Variants in BABAM2 observed in about 807,000 individuals in gnomAD.
BABAM2 encodes the protein BRISC and BRCA1 A complex member 2, also known as BRISC and BRCA1-A complex member 2.
Under a neutral mutation model 54.7 loss-of-function variants are expected in BABAM2, and 31 were observed. The ratio of observed to expected loss-of-function variants is 0.57; its 90% confidence interval spans 0.43 to 0.77. The LOEUF (loss-of-function observed/expected upper bound fraction) is 0.77. Among genes scored for constraint, BABAM2 ranks in the 30% least tolerant of loss-of-function variants. The pLI is 0.00. For synonymous variants in BABAM2, 167 were observed against 162.9 expected (o/e 1.03, Z -0.19); for missense variants, 364 against 455.8 (o/e 0.80, Z 1.83).
At chr2:27,896,795 G>T in intron 2 of BABAM2, 1 of 237,276 alleles carries the variant, frequency 4.2e-6, no homozygotes, top group South Asian at 4.7e-5. Flanking sequence ...GCTGGGTCTG[G>T]AGCAGCTTGT....
intron 6 of BABAM2, 141 bp downstream of exon 6, chr2:28,045,940 T>C (rs1677526182): frequency 7.6e-6 from 5 of 654,228 alleles, no homozygotes; most frequent in Non-Finnish European, 9.6e-6. Flanking sequence ...TGAAGTTCCA[T>C]TGAGCTGTTT....
At chr2:27,925,216 C>G (rs1274243882) in intron 2 of BABAM2, among the ~76,000 whole-genome samples, 1 of 152,152 alleles carries the variant, frequency 6.6e-6, no homozygotes, top group Non-Finnish European at 1.5e-5. Context: ...TTTCTTCTAT[C>G]TTTTCTGTGA....
chr2:28,131,070 A>ATTTTTTTT (rs757511616), intron 7 of BABAM2, among the ~76,000 whole-genome samples: 1 of 6,952 alleles, frequency 1.4e-4, no homozygotes, highest in African/African-American at 2.7e-4. Context: ...TATTATTATT[A>ATTTTTTTT]TTATTATTAT....
chr2:28,082,469 AC>A (rs1553313344), intron 6 of BABAM2, among the ~76,000 whole-genome samples: 1 of 152,212 alleles, frequency 6.6e-6, no homozygotes, highest in Non-Finnish European at 1.5e-5. Flanking sequence ...ACTGACTCTG[AC>A]CTTAGGCAAG....
chr2:27,907,710 A>G (rs530738033), intron 2 of BABAM2, among the ~76,000 whole-genome samples: 1 of 152,234 alleles, frequency 6.6e-6, no homozygotes, highest in East Asian at 1.9e-4. Flanking sequence ...ACTGGCAGCC[A>G]CCATTCTGGT....
chr2:28,301,099 C>T (rs1419589941), intron 11 of BABAM2, among the ~76,000 whole-genome samples: 1 of 152,194 alleles, frequency 6.6e-6, no homozygotes, highest in Admixed American at 6.5e-5. Flanking sequence ...ATTCCTTCCA[C>T]ACCCTGTTTC....
Position 28,329,143 on chromosome 2 carries a change from C to T in BABAM2, c.1089-9307C>T, listed in dbSNP as rs941143966. Among the ~76,000 whole-genome samples the T allele has an allele frequency of 2.0e-5, 3 of 152,178 alleles. No individual in the cohort carries two copies. Among genetic ancestry groups the T allele is most frequent in the Non-Finnish European group, 4.4e-5 (3 of 68,026 alleles). On this transcript the variant is annotated intron_variant, in intron 11 of 11. Transcript: ENST00000379624. This position sits in a 1 kb window ranked among gnomAD's most constrained non-coding sequence, Gnocchi z 4.2. ...CTCCTGATTTCCCCTTCTCTAGAAC[C>T]CAACCATTATGTCATTTTCCAGGCA...
chr2:28,083,136 T>G (rs1448264593), intron 6 of BABAM2, among the ~76,000 whole-genome samples: 1 of 152,188 alleles, frequency 6.6e-6, no homozygotes. Context: ...ACCTTGTACT[T>G]CATCATCACT....
intron 7 of BABAM2, among the ~76,000 whole-genome samples, chr2:28,209,938 C>T (rs1008010499): frequency 2.0e-5 from 3 of 152,048 alleles, no homozygotes; most frequent in Admixed American, 2.0e-4. Flanking sequence ...TAAAAGAAAG[C>T]AAAGGTCTAG....
At chr2:27,916,058 G>A (rs1666944190) in intron 2 of BABAM2, among the ~76,000 whole-genome samples, 1 of 152,230 alleles carries the variant, frequency 6.6e-6, no homozygotes, top group Admixed American at 6.5e-5. Flanking sequence ...TAGCATGAGA[G>A]CTAATCAGGG....
At chr2:27,919,676 A>T (rs1334970931) in intron 2 of BABAM2, among the ~76,000 whole-genome samples, 2 of 152,236 alleles carry the variant, frequency 1.3e-5, no homozygotes, top group African/African-American at 4.8e-5. Flanking sequence ...GTTGAAAATT[A>T]ATAAGCTAAG....
At chr2:28,103,528 C>T (rs191709286) in intron 6 of BABAM2, among the ~76,000 whole-genome samples, 7 of 152,200 alleles carry the variant, frequency 4.6e-5, no homozygotes, top group African/African-American at 1.4e-4. Context: ...AGGCTGGCCT[C>T]GAACTCCAGG....
At chr2:28,011,877 G>C (rs1674428243) in intron 4 of BABAM2, among the ~76,000 whole-genome samples, 2 of 152,102 alleles carry the variant, frequency 1.3e-5, no homozygotes, top group African/African-American at 4.8e-5. Flanking sequence ...GTTCCCTATG[G>C]CTATAAAATA....
chr2:28,183,388 C>G (rs1305536716), intron 7 of BABAM2, among the ~76,000 whole-genome samples: 1 of 152,162 alleles, frequency 6.6e-6, no homozygotes, highest in African/African-American at 2.4e-5. Context: ...TTGCAGTGAG[C>G]TGAGATCGTG....
At chr2:28,100,328 C>T (rs577316567) in intron 6 of BABAM2, among the ~76,000 whole-genome samples, 44 of 151,942 alleles carry the variant, frequency 2.9e-4, no homozygotes, top group Admixed American at 1.4e-3. Context: ...GGTGTGGTGG[C>T]GCGTGCCTGT....
intron 2 of BABAM2, among the ~76,000 whole-genome samples, chr2:27,928,232 T>C (rs1667852159): frequency 6.6e-6 from 1 of 152,126 alleles, no homozygotes; most frequent in Admixed American, 6.5e-5. Flanking sequence ...GCCAGGATGG[T>C]CTCCATCTCG....
chr2:28,016,743 A>G (rs571756414), intron 4 of BABAM2, among the ~76,000 whole-genome samples: 1 of 152,268 alleles, frequency 6.6e-6, no homozygotes, highest in Non-Finnish European at 1.5e-5. Context: ...ACCCTGTTTA[A>G]TTTTTTTGCC....
chr2:28,124,770 A>C (rs1295392514), intron 6 of BABAM2, among the ~76,000 whole-genome samples: 1 of 152,208 alleles, frequency 6.6e-6, no homozygotes, highest in Non-Finnish European at 1.5e-5. Context: ...TATACTTCTT[A>C]TATCATGCCA....
intron 6 of BABAM2, among the ~76,000 whole-genome samples, chr2:28,126,903 G>A (rs555613273): frequency 0.013 from 1,932 of 147,450 alleles, 43 homozygotes; most frequent in African/African-American, 0.046. Flanking sequence ...GTGATGGTGA[G>A]CATTTTTTCA....
Sources: allele counts gnomAD v4.1 joint callset (sites outside exome capture counted in the v4.1 genomes callset), GRCh38; gene constraint gnomAD v4.1.1; non-coding constraint Gnocchi (gnomAD v3.1); transcripts MANE v1.5; gene names NCBI Gene and HGNC (gene_info 2026-07-23, HGNC 2026-07-21).